The following MET variants were observed in gnomAD, a reference collection of about 807,000 sequenced individuals.
MET encodes the protein hepatocyte growth factor receptor.
A neutral mutation model predicts 133.1 loss-of-function variants in MET; 48 were observed. The ratio of observed to expected loss-of-function variants is 0.36; its 90% CI spans 0.29 to 0.46. The LOEUF is 0.46. Among genes scored for constraint, MET ranks in the 20% least tolerant of loss-of-function variants. The probability of loss-of-function intolerance (pLI) is 1.00; values close to 1 mark genes in which losing one functional copy is unlikely to be tolerated. For synonymous variants in MET, 628 were observed against 616.5 expected, an observed-to-expected ratio of 1.02 and a Z score of -0.28; for missense variants, 1,442 against 1,695.9, an observed-to-expected ratio of 0.85 and a Z score of 2.63.
At chr7:116,729,897 A>G (rs944068241) in intron 2 of MET, among the ~76,000 whole-genome samples, 19 of 152,208 alleles carry the variant, frequency 1.2e-4, no homozygotes, top group African/African-American at 4.3e-4. Flanking sequence ...TATTTACTAA[A>G]CATCTACTAT....
At chr7:116,741,811 C>T (rs998440362) in intron 5 of MET, among the ~76,000 whole-genome samples, 1 of 152,188 alleles carries the variant, frequency 6.6e-6, no homozygotes, top group East Asian at 1.9e-4. Context: ...GCAGGCTGCC[C>T]TCTAGTCCCT....
At chr7:116,679,596 G>A (rs2116466378) in intron 1 of MET, among the ~76,000 whole-genome samples, 1 of 152,184 alleles carries the variant, frequency 6.6e-6, no homozygotes, top group East Asian at 1.9e-4. Flanking sequence ...GTATAAGCAA[G>A]AGCAGCAAGT....
chr7:116,795,520 A>T, intron 19 of MET, 135 bp from the exon 20 acceptor site: 2 of 1,129,932 alleles, frequency 1.8e-6, no homozygotes, highest in Non-Finnish European at 2.7e-6. Context: ...AATTGCCTTT[A>T]AGAAAATTGT....
intron 2 of MET, among the ~76,000 whole-genome samples, chr7:116,714,740 TGCAC>T (rs1407358466): frequency 1.6e-5 from 2 of 122,414 alleles, no homozygotes; most frequent in African/African-American, 2.8e-5. Flanking sequence ...AACACTCACA[TGCAC>T]GCACACACAC....
chr7:116,740,774 C>G lies in MET; in HGVS notation c.1528-78C>G, dbSNP rs544272319. 4 of 1,544,654 alleles carry G rather than the reference C, an allele frequency of 2.6e-6. No homozygotes were observed. The South Asian group carries it at 4.5e-5, about 17-fold the overall frequency. ...TCCATCAAATGATATTTACATGTAC[C>G]TTTTGTGTACTTACTTTATAATTAA... On this transcript the variant is annotated intron_variant, in intron 4 of 20. Coordinates refer to ENST00000397752, the MANE Select transcript of MET (RefSeq NM_000245.4).
At chr7:116,775,748 A>C (rs995876187) in intron 15 of MET, among the ~76,000 whole-genome samples, 9 of 152,072 alleles carry the variant, frequency 5.9e-5, no homozygotes, top group Non-Finnish European at 8.8e-5. Context: ...TCACTCCTTT[A>C]ATTTTGAGTA....
chr7:116,699,822 C>T lies in MET; in HGVS notation c.738C>T (p.Pro246=), dbSNP rs1461455526. 1.2e-6 allele frequency: 2 copies of T among 1,614,000 alleles called. No homozygotes were observed. Among genetic ancestry groups the T allele is most frequent in the Non-Finnish European group, 8.5e-7 (1 of 1,179,984 alleles). Residue 246 remains proline, a synonymous_variant, in exon 2 of 21, where the codon CCC becomes CCT. Coordinates refer to ENST00000397752, the MANE Select transcript of MET (RefSeq NM_000245.4). The stretch of plus-strand genomic sequence containing the variant: ...TACCTGAGTTCAGAGATTCTTACCC[C>T]ATTAAGTATGTCCATGCCTTTGAAA... ...DVLPEFRDSY[P]IKYVHAFESN...
chr7:116,702,876 T>A (rs752921667), intron 2 of MET, among the ~76,000 whole-genome samples: 1 of 152,144 alleles, frequency 6.6e-6, no homozygotes, highest in Non-Finnish European at 1.5e-5. Flanking sequence ...CAAGATCAGA[T>A]AATGGGAGTG....
intron 19 of MET, among the ~76,000 whole-genome samples, chr7:116,792,989 A>G (rs952968244): frequency 2.0e-5 from 3 of 152,232 alleles, no homozygotes; most frequent in African/African-American, 7.2e-5. Flanking sequence ...GAAAAGCCTC[A>G]TAGGCTTCCG....
intron 2 of MET, among the ~76,000 whole-genome samples, chr7:116,700,558 A>G (rs1044490663): frequency 6.6e-6 from 1 of 152,212 alleles, no homozygotes; most frequent in Non-Finnish European, 1.5e-5. Context: ...GTTATTTCCC[A>G]TATAAGCTTT....
Position 116,759,468 on chromosome 7 carries a change from A to C in MET, c.2342A>C (p.Glu781Ala), listed in dbSNP as rs771231484. 9 of 1,613,582 alleles carry C rather than the reference A, an allele frequency of 5.6e-6. No homozygotes were observed. In the African/African-American group the frequency reaches 1.2e-4, roughly 22 times the overall value. Residue 781 changes from glutamate to alanine, a missense_variant, in exon 10 of 21, where the codon GAA becomes GCA. By Grantham distance (107) the Glu-to-Ala change is moderately radical (BLOSUM62 -1). This residue lies in a region of MET where 514 missense variants were observed against 659.6 expected (regional missense o/e 0.78). Transcript: ENST00000397752. ...CCGAGAATGGTCATAAATGTGCATG[A>C]AGCAGGAAGGAACTTTACAGTGGTA... The part of the protein sequence containing the change: ...SVPRMVINVH[E>A]AGRNFTVACQ...
At chr7:116,745,236 C>T (rs1338346162) in intron 5 of MET, among the ~76,000 whole-genome samples, 5 of 152,062 alleles carry the variant, frequency 3.3e-5, no homozygotes, top group African/African-American at 1.2e-4. Context: ...TGTGAAGGAC[C>T]TCTTCAAGGA....
intron 1 of MET, among the ~76,000 whole-genome samples, chr7:116,698,365 T>C (rs1024970154): frequency 4.6e-5 from 7 of 152,224 alleles, no homozygotes; most frequent in Admixed American, 1.3e-4. Flanking sequence ...AGGACTTTAG[T>C]TCTGAAGATT....
chr7:116,782,831 G>T (rs1404754489), intron 18 of MET, among the ~76,000 whole-genome samples: 1 of 152,176 alleles, frequency 6.6e-6, no homozygotes. Context: ...TTACCTCAGT[G>T]GTGGGATATA....
At chr7:116,783,269 T>TCAGCC (rs1443017896) in intron 18 of MET, 35 bp from the exon 19 acceptor site, 1 of 1,613,456 alleles carries the variant, frequency 6.2e-7, no homozygotes, top group African/African-American at 1.3e-5. Context: ...TTATTCTATT[T>TCAGCC]CAGCCACGGG....
At chr7:116,702,142 CA>C (rs1791602297) in intron 2 of MET, among the ~76,000 whole-genome samples, 1 of 152,078 alleles carries the variant, frequency 6.6e-6, no homozygotes, top group African/African-American at 2.4e-5. Context: ...AAATTCAGGT[CA>C]GTTTTATCGC....
At chr7:116,772,550 A>G (rs775380286) in intron 14 of MET, among the ~76,000 whole-genome samples, 1 of 152,226 alleles carries the variant, frequency 6.6e-6, no homozygotes, top group Non-Finnish European at 1.5e-5. Flanking sequence ...GTAAAACACT[A>G]TGCCTAGTAA....
intron 12 of MET, 80 bp downstream of exon 12, chr7:116,769,871 T>A: frequency 6.3e-7 from 1 of 1,590,910 alleles, no homozygotes; most frequent in Non-Finnish European, 8.6e-7. Context: ...AAATAAATCA[T>A]TAAAGCTCAT....
At chr7:116,740,209 TCTTTAGTGAGTATTC>T in intron 4 of MET, 125 bp downstream of exon 4, 2 of 1,065,512 alleles carry the variant, frequency 1.9e-6, no homozygotes, top group Non-Finnish European at 2.9e-6. Context: ...TCCATTAAGT[TCTTTAGTGAGTATTC>T]CAGAGATCTT....
Sources: gnomAD v4.1 joint callset for allele counts (sites outside exome capture counted in the v4.1 genomes callset) on GRCh38, gnomAD v4.1.1 for gene constraint, gnomAD v4.1.1 regional missense constraint, MANE v1.5 for transcripts, NCBI Gene and HGNC (gene_info 2026-07-23, HGNC 2026-07-21) for gene names.